Variants in TECPR2 observed in about 807,000 individuals in gnomAD.
TECPR2 encodes the protein tectonin beta-propeller repeat containing 2.
Under a neutral mutation model 138.1 loss-of-function variants are expected in TECPR2, and 65 were observed. The ratio of observed to expected loss-of-function variants is 0.47; its 90% CI spans 0.39 to 0.58. The LOEUF is 0.58. Ranked by LOEUF, TECPR2 falls within the 20% of genes least tolerant of loss-of-function variation. TECPR2 has a pLI of 0.00. For missense variants in TECPR2, 1,553 were observed against 1,824.5 expected (o/e 0.85, Z 2.71); for synonymous variants, 746 against 749.8 (o/e 0.99, Z 0.08).
intron 17 of TECPR2, among the ~76,000 whole-genome samples, chr14:102,475,731 A>G (rs1300614603): frequency 6.6e-6 from 1 of 152,148 alleles, no homozygotes; most frequent in African/African-American, 2.4e-5. Context: ...CATTTACCCA[A>G]CAAGCAGAGA....
In TECPR2 at chr14:102,386,671, G is replaced by A. The variant is rs537301414; in HGVS notation, c.219+9731G>A. 7.9e-5 allele frequency among the ~76,000 whole-genome samples: 12 copies of A among 152,168 alleles called. No individual in the cohort carries two copies. The South Asian group carries it at 1.9e-3, about 24-fold the overall frequency. ...GGGAGGAAGAGTGAAAGGGAATTACGTATTTTTTTAACTTTACTGAGGAAT... is the reference window on the plus strand; with the variant it reads ...GGGAGGAAGAGTGAAAGGGAATTACATATTTTTTTAACTTTACTGAGGAAT... On this transcript the variant is annotated intron_variant, in intron 2 of 19. Coordinates refer to ENST00000359520, the MANE Select transcript of TECPR2 (RefSeq NM_014844.5).
chr14:102,407,518 G>A, intron 3 of TECPR2, 52 bp downstream of exon 3: 1 of 1,530,488 alleles, frequency 6.5e-7, no homozygotes, highest in Non-Finnish European at 8.8e-7. Context: ...ATTCCTCATG[G>A]ATTTTTAAAA....
rs539006387 is a variant in TECPR2, at chr14:102,441,350, G to A, written c.2752+741G>A. On this transcript the variant is annotated intron_variant, in intron 11 of 19. Coordinates refer to ENST00000359520, the MANE Select transcript of TECPR2 (RefSeq NM_014844.5). ...CTCCCAAAGTGCTGGGATTACAGGT[G>A]TGAGCCACCACACCAGGCCATAATT... is the stretch of plus-strand genomic sequence containing the variant. Among the ~76,000 whole-genome samples the A allele has an allele frequency of 1.3e-3, 201 of 150,954 alleles. 1 individual carries two copies. Among genetic ancestry groups the A allele is most frequent in the African/African-American group, 4.4e-3 (180 of 41,246 alleles).
chr14:102,437,057 G>A (rs1889688292), intron 9 of TECPR2: 3 of 985,310 alleles, frequency 3.0e-6, no homozygotes, highest in Admixed American at 6.2e-5. Flanking sequence ...AAATTTTATG[G>A]TGTGTTTTTA....
At chr14:102,369,696 C>G (rs993353692) in intron 1 of TECPR2, among the ~76,000 whole-genome samples, 1 of 152,072 alleles carries the variant, frequency 6.6e-6, no homozygotes, top group African/African-American at 2.4e-5. Flanking sequence ...AATCCCAGCA[C>G]TTTGGGAGGC....
rs888418913 is a variant in TECPR2, at chr14:102,497,635, C to T, written c.3997C>T (p.Leu1333Phe). The T allele has an allele frequency of 6.2e-7, 1 of 1,609,738 alleles. No homozygotes were observed. Among genetic ancestry groups the T allele is most frequent in the Non-Finnish European group, 8.5e-7 (1 of 1,178,672 alleles). The stretch of plus-strand genomic sequence containing the variant: ...GTGGGCCCGCTGTCCAAACGGAGAC[C>T]TCGCCCGGCGGTACGGCGTCACAGA... Reference protein sequence around the residue: ...TVWARCPNGDLARRYGVTDKN... With the variant: ...TVWARCPNGDFARRYGVTDKN... Residue 1333 changes from leucine to phenylalanine, a missense_variant, in exon 19 of 20, where the codon CTC (leucine) becomes TTC (phenylalanine). Coordinates refer to ENST00000359520, the MANE Select transcript of TECPR2 (RefSeq NM_014844.5).
chr14:102,465,975 A>T (rs1890543205), intron 17 of TECPR2, among the ~76,000 whole-genome samples: 1 of 152,166 alleles, frequency 6.6e-6, no homozygotes, highest in Non-Finnish European at 1.5e-5. Flanking sequence ...GCCAGCCCCC[A>T]TTTGGTGACT....
intron 4 of TECPR2, among the ~76,000 whole-genome samples, chr14:102,414,115 G>A (rs1471076783): frequency 1.3e-5 from 2 of 152,120 alleles, no homozygotes; most frequent in Non-Finnish European, 1.5e-5. Flanking sequence ...AGTTGGCAAG[G>A]ATATAATGTC....
At chr14:102,444,748 C>T (rs1008082250) in intron 12 of TECPR2, among the ~76,000 whole-genome samples, 3 of 152,114 alleles carry the variant, frequency 2.0e-5, no homozygotes, top group South Asian at 2.1e-4. Flanking sequence ...CCAAGGCAGG[C>T]GGATCACGAG....
chr14:102,373,364 A>G (rs1887557763), intron 1 of TECPR2, among the ~76,000 whole-genome samples: 1 of 152,236 alleles, frequency 6.6e-6, no homozygotes, highest in Non-Finnish European at 1.5e-5. Context: ...CCATACAACC[A>G]TTCTGTTTTT....
chr14:102,473,615 C>CT (rs1440053229), intron 17 of TECPR2, among the ~76,000 whole-genome samples: 1 of 152,176 alleles, frequency 6.6e-6, no homozygotes, highest in African/African-American at 2.4e-5. Context: ...TTCTGTTGTC[C>CT]TATTCTCTTC....
intron 1 of TECPR2, among the ~76,000 whole-genome samples, chr14:102,363,917 A>G (rs553372862): frequency 3.9e-5 from 6 of 152,316 alleles, no homozygotes; most frequent in African/African-American, 1.4e-4. Context: ...CTCGCCCTCT[A>G]GTCCCTTCTG....
intron 16 of TECPR2, among the ~76,000 whole-genome samples, chr14:102,455,160 G>C (rs1890245953): frequency 6.6e-6 from 1 of 152,224 alleles, no homozygotes; most frequent in Non-Finnish European, 1.5e-5. Context: ...GCCATCTGGT[G>C]TTCAGCAGAT....
Position 102,443,981 on chromosome 14 carries a change from G to A in TECPR2, c.2933+154G>A, listed in dbSNP as rs1889903848. Among the ~76,000 whole-genome samples the A allele has an allele frequency of 6.6e-6, 1 of 152,108 alleles. No homozygotes were observed. The highest frequency in any genetic ancestry group is 1.5e-5 in the Non-Finnish European group (1 of 68,012). On this transcript the variant is annotated intron_variant, in intron 12 of 19. Transcript: ENST00000359520. This position sits in a 1 kb window ranked among gnomAD's most constrained non-coding sequence, Gnocchi z 4.9. ...TAAGCTTGAATCTCTGCCTAATTCT[G>A]ACCGGCAAACTGGACGTTGAGTCAG...
In TECPR2 at chr14:102,499,261, G is replaced by A; in HGVS notation, c.*1004G>A. ...TTTGGAATGGTGTTTAACTAATGCT[G>A]CTGGCGGACATCCTAAAACCAGATG... On this transcript the variant is annotated 3_prime_UTR_variant, in exon 20 of 20. Transcript: ENST00000359520. 1 of 658,518 alleles carries A rather than the reference G, an allele frequency of 1.5e-6. No individual in the cohort carries two copies. 40.8% of individuals were successfully genotyped at this position (658,518 alleles called of 1,614,324 possible). A position where few individuals can be genotyped will look rare whatever the true frequency, so the allele number is the denominator to read the frequency against.
intron 1 of TECPR2, among the ~76,000 whole-genome samples, chr14:102,367,817 C>T (rs1469229638): frequency 6.6e-6 from 1 of 152,132 alleles, no homozygotes; most frequent in East Asian, 1.9e-4. Flanking sequence ...TTTTGAAGAA[C>T]TGCCCACTGG....
intron 8 of TECPR2, among the ~76,000 whole-genome samples, chr14:102,432,992 G>A (rs965829795): frequency 1.4e-5 from 2 of 138,906 alleles, no homozygotes; most frequent in African/African-American, 5.4e-5. Context: ...AACAGAGCAA[G>A]ACTCCGTCTC....
intron 4 of TECPR2, among the ~76,000 whole-genome samples, chr14:102,411,742 G>A (rs1407022833): frequency 9.0e-6 from 1 of 111,238 alleles, no homozygotes; most frequent in Non-Finnish European, 1.9e-5. Context: ...GAAGATGGCT[G>A]GATTCTGCAT....
intron 17 of TECPR2, among the ~76,000 whole-genome samples, chr14:102,474,045 C>G (rs950688075): frequency 8.6e-5 from 13 of 151,620 alleles, no homozygotes; most frequent in African/African-American, 3.2e-4. Context: ...ATCACTTGAA[C>G]CCAGGAGTTC....
Sources: allele counts gnomAD v4.1 joint callset (sites outside exome capture counted in the v4.1 genomes callset), GRCh38; gene constraint gnomAD v4.1.1; non-coding constraint Gnocchi (gnomAD v3.1); transcripts MANE v1.5; gene names NCBI Gene and HGNC (gene_info 2026-07-23, HGNC 2026-07-21).